Variants in CCDC32 observed in about 807,000 individuals in gnomAD.
The protein encoded by CCDC32 is coiled-coil domain-containing protein 32.
Under a neutral mutation model 20.1 loss-of-function variants are expected in CCDC32, and 9 were observed. The ratio of observed to expected loss-of-function variants is 0.45; its 90% CI spans 0.27 to 0.78. The LOEUF is 0.78. Ranked by LOEUF, CCDC32 falls within the 30% of genes least tolerant of loss-of-function variation. The pLI, the probability that CCDC32 is intolerant of heterozygous loss-of-function variation, is 0.16. For synonymous variants in CCDC32, 63 were observed against 79.0 expected (o/e 0.80, Z 1.07); for missense variants, 204 against 215.5 (o/e 0.95, Z 0.33).
chr15:40,538,321 C>G (rs546764976), downstream of CCDC32: 6 of 152,344 alleles, frequency 3.9e-5, no homozygotes, highest in East Asian at 1.2e-3. Context: ...CTCGAGATCT[C>G]TTGCATGGCC....
At chr15:40,554,721 G>A (rs1363556537) in intron 3 of CCDC32, among the ~76,000 whole-genome samples, 1 of 152,160 alleles carries the variant, frequency 6.6e-6, no homozygotes, top group Admixed American at 6.5e-5. Flanking sequence ...CCAGAGGGCT[G>A]TCTTTTTGTT....
At position 40,565,005 on chromosome 15, in the gene CCDC32, C is replaced by T; in HGVS notation, c.-42G>A. The T allele has an allele frequency of 1.7e-6, 1 of 588,540 alleles. No individual in the cohort carries two copies. The highest frequency in any genetic ancestry group is 1.9e-5 in the African/African-American group (1 of 53,908). 36.5% of individuals were successfully genotyped at this position (588,540 alleles called of 1,614,324 possible). ...ACAGCTGCCCAGTAAACGCTTGGCT[C>T]AGCTCTGTCGCCTGTAGCCCGGAGG... On this transcript the variant is annotated 5_prime_UTR_variant, in exon 1 of 4. Coordinates refer to ENST00000416810, the MANE Select transcript of CCDC32 (RefSeq NM_001080792.4).
downstream of CCDC32, chr15:40,537,148 G>A (rs1889152342): frequency 6.6e-6 from 1 of 152,400 alleles, no homozygotes. Flanking sequence ...GGCCTGGCAG[G>A]AGCAACTAAC....
chr15:40,563,224 G>A lies in CCDC32; in HGVS notation c.-12-197C>T, dbSNP rs541284811. Among the ~76,000 whole-genome samples, 8 of 152,212 alleles carry A rather than the reference G, an allele frequency of 5.3e-5. No individual in the cohort carries two copies. The East Asian group carries it at 1.2e-3, about 22-fold the overall frequency. The stretch of plus-strand genomic sequence containing the variant: ...CTAAAAATACAAAAATTAGACAGGT[G>A]TGGTGGCACATGCCTGTAGTCCCAG... On this transcript the variant is annotated intron_variant, in intron 1 of 3. Transcript: ENST00000416810.
intron 2 of CCDC32, among the ~76,000 whole-genome samples, chr15:40,559,078 CTT>C (rs1046264308): frequency 5.9e-5 from 9 of 151,376 alleles, no homozygotes; most frequent in African/African-American, 2.2e-4. Flanking sequence ...TGCTCTCTCT[CTT>C]TCTCTTCCTT....
chr15:40,539,490 C>T (rs1566979488), intron 3 of CCDC32: 9 of 730,322 alleles, frequency 1.2e-5, no homozygotes, highest in East Asian at 2.7e-5. Context: ...AGTGAGGTGT[C>T]GACACAGCCT....
chr15:40,535,479 A>C (rs1889069975), downstream of CCDC32: 1 of 988,092 alleles, frequency 1.0e-6, no homozygotes, highest in Non-Finnish European at 1.2e-6. Context: ...ATTTTGAAGG[A>C]GTTTTTCCAC....
intron 3 of CCDC32, among the ~76,000 whole-genome samples, 155 bp from the exon 4 acceptor site, chr15:40,554,282 C>T (rs1161036008): frequency 6.6e-6 from 1 of 152,172 alleles, no homozygotes; most frequent in East Asian, 1.9e-4. Flanking sequence ...CAAGGATACT[C>T]CTAATGGCAG....
In CCDC32 at chr15:40,528,753, G is replaced by A. The variant is rs1187738128; in HGVS notation, c.439C>T (p.Gln147Ter). ...CTTCTTCCGTCCTCCTAGCTGGCCT[G>A]CCCAAAGCCCTTAGCACAGATCCCA... The change falls in exon 4 of 4, where the codon CAG becomes TAG. Residue 147 changes from glutamine to a stop codon, truncating the protein, a stop_gained. Transcript: ENST00000560305. LOFTEE classifies it high-confidence loss of function. 1.4e-6 allele frequency: 1 copy of A among 701,716 alleles called. No individual in the cohort carries two copies. 43.5% of individuals were successfully genotyped at this position (701,716 alleles called of 1,614,324 possible).
In CCDC32 at chr15:40,562,912, G is replaced by T; in HGVS notation, c.104C>A (p.Ala35Asp). 1 of 1,614,180 alleles carries T rather than the reference G, an allele frequency of 6.2e-7. No homozygotes were observed. The highest frequency in any genetic ancestry group is 8.5e-7 in the Non-Finnish European group (1 of 1,180,040). The change falls in exon 2 of 4, where the codon GCC (alanine) becomes GAC (aspartate). Residue 35 changes from alanine to aspartate, a missense_variant. By Grantham distance (126) the Ala-to-Asp change is moderately radical. Transcript: ENST00000416810. ...AAAGGAGTCTGAGAATGCATTGTTG[G>T]CACCATCTTCTTGTTCAGGATTTGG... ...CLPNPEQEDG[A>D]NNAFSDSFVD...
downstream of CCDC32, among the ~76,000 whole-genome samples, chr15:40,533,019 T>C (rs1888951594): frequency 6.6e-6 from 1 of 152,100 alleles, no homozygotes; most frequent in Non-Finnish European, 1.5e-5. Context: ...TACAATATTA[T>C]ATATCATAAT....
chr15:40,539,016 T>TAAAGA, downstream of CCDC32: 1 of 553,012 alleles, frequency 1.8e-6, no homozygotes, highest in Non-Finnish European at 3.3e-6. Flanking sequence ...GTTCTCTAGC[T>TAAAGA]GGCTCTGACT....
At chr15:40,529,467 A>C (rs1203440774) in intron 3 of CCDC32, 3 of 152,250 alleles carry the variant, frequency 2.0e-5, no homozygotes, top group Non-Finnish European at 4.4e-5. Context: ...AAGCACATGC[A>C]CATAATGTGG....
chr15:40,535,221 T>G (rs1889060366), downstream of CCDC32: 1 of 1,417,390 alleles, frequency 7.1e-7, no homozygotes, highest in Non-Finnish European at 9.2e-7. Context: ...GGGAGGCCAC[T>G]TAGGAGACTT....
At chr15:40,545,718 C>T (rs1362897246) in intron 3 of CCDC32, among the ~76,000 whole-genome samples, 1 of 152,164 alleles carries the variant, frequency 6.6e-6, no homozygotes, top group Non-Finnish European at 1.5e-5. Context: ...GCTCTCCATC[C>T]TGGCACCACC....
downstream of CCDC32, chr15:40,536,258 C>G (rs1889104340): frequency 6.6e-6 from 1 of 152,342 alleles, no homozygotes. Flanking sequence ...AGACTGTGCT[C>G]TGTTCCACAT....
intron 2 of CCDC32, among the ~76,000 whole-genome samples, chr15:40,559,069 G>GCTCTCTCTCTTTCTCTTCCTTC (rs1890448419): frequency 1.3e-5 from 2 of 149,862 alleles, no homozygotes; most frequent in East Asian, 4.0e-4. Context: ...CTCCCAAATT[G>GCTCTCTCTCTTTCTCTTCCTTC]CTCTCTCTCT....
intron 1 of CCDC32, among the ~76,000 whole-genome samples, chr15:40,563,317 C>T (rs1254404217): frequency 1.3e-5 from 2 of 152,162 alleles, no homozygotes; most frequent in Non-Finnish European, 2.9e-5. Flanking sequence ...GAGTGGTGAT[C>T]ACGCCATTGC....
chr15:40,541,703 C>G (rs1889402845), intron 3 of CCDC32, among the ~76,000 whole-genome samples: 1 of 152,228 alleles, frequency 6.6e-6, no homozygotes, highest in African/African-American at 2.4e-5. Context: ...CTACTCAACA[C>G]AGGGAGCTGT....
Sources: allele counts gnomAD v4.1 joint callset (sites outside exome capture counted in the v4.1 genomes callset), GRCh38; gene constraint gnomAD v4.1.1; transcripts MANE v1.5; gene names NCBI Gene and HGNC (gene_info 2026-07-23, HGNC 2026-07-21).